The following INO80C variants were observed in gnomAD, a reference collection of about 807,000 sequenced individuals.
The protein encoded by INO80C is IES6 homolog.
Under a neutral mutation model 17.7 loss-of-function variants are expected in INO80C, and 17 were observed. The observed-to-expected ratio is 0.96, with a 90% CI of 0.66 to 1.44. The LOEUF is 1.44. Ranked by LOEUF, INO80C falls within the 40% of genes most tolerant of loss-of-function variation. The pLI, the probability that INO80C is intolerant of heterozygous loss-of-function variation, is 0.00. For synonymous variants in INO80C, 96 were observed against 95.8 expected (o/e 1.00, Z -0.01); for missense variants, 244 against 245.0 (o/e 1.00, Z 0.03).
chr18:35,486,984 C>A (rs757815452), intron 1 of INO80C, among the ~76,000 whole-genome samples: 7 of 152,052 alleles, frequency 4.6e-5, no homozygotes, highest in Non-Finnish European at 1.0e-4. Context: ...TTAAAAGTCA[C>A]TGGCAAAGTA....
intron 4 of INO80C, among the ~76,000 whole-genome samples, chr18:35,470,377 A>T (rs185963991): frequency 3.9e-5 from 6 of 152,278 alleles, no homozygotes; most frequent in Admixed American, 3.9e-4. Context: ...CCTTGGCTTG[A>T]TCTAGATGTT....
intron 1 of INO80C, among the ~76,000 whole-genome samples, chr18:35,491,432 C>A (rs1043655698): frequency 1.3e-5 from 2 of 152,122 alleles, no homozygotes; most frequent in Non-Finnish European, 2.9e-5. Flanking sequence ...TCTGCCAGAC[C>A]CCCGCTGGGA....
At chr18:35,495,325 G>A (rs1567990721) in intron 1 of INO80C, among the ~76,000 whole-genome samples, 1 of 152,180 alleles carries the variant, frequency 6.6e-6, no homozygotes, top group African/African-American at 2.4e-5. Context: ...TGAGGTGGGA[G>A]GATCCACTGA....
In INO80C at chr18:35,493,384, T is replaced by C. The variant is rs1267818006; in HGVS notation, c.156+4335A>G. 2.0e-5 allele frequency among the ~76,000 whole-genome samples: 3 copies of C among 152,228 alleles called. No homozygotes were observed. In the South Asian group the frequency reaches 6.2e-4, roughly 31 times the overall value. Reference sequence around the variant, plus strand: ...TAACATTATTAATCAACAACTGTTATAGTGAAAATATAAATCCACAGAATT... The same window carrying C: ...TAACATTATTAATCAACAACTGTTACAGTGAAAATATAAATCCACAGAATT... On this transcript the variant is annotated intron_variant, in intron 1 of 4. Coordinates refer to ENST00000334598, the MANE Select transcript of INO80C (RefSeq NM_194281.4).
At chr18:35,478,883 C>T in intron 3 of INO80C, 1 of 178,334 alleles carries the variant, frequency 5.6e-6, no homozygotes, top group Admixed American at 5.8e-5. Context: ...GGACACACTG[C>T]AGCATGAAGT....
intron 1 of INO80C, among the ~76,000 whole-genome samples, chr18:35,488,244 CTGTT>C (rs1445026828): frequency 2.0e-5 from 3 of 152,252 alleles, no homozygotes; most frequent in African/African-American, 4.8e-5. Flanking sequence ...AGTGGGGACT[CTGTT>C]TGGGGGATTC....
Position 35,497,919 on chromosome 18 carries a change from C to T in INO80C, c.-45G>A. On this transcript the variant is annotated 5_prime_UTR_variant, in exon 1 of 5. Coordinates refer to ENST00000334598, the MANE Select transcript of INO80C (RefSeq NM_194281.4). ...TGGTCCCCCCACCTTTTTCCCAGCG[C>T]GGGCCTTGGAACTTCCTTTCCGCTG... 2 of 1,486,030 alleles carry T rather than the reference C, an allele frequency of 1.3e-6. No homozygotes were observed. The highest frequency in any genetic ancestry group is 9.0e-7 in the Non-Finnish European group (1 of 1,117,144). The allele number at this position is 1,486,030 out of a possible 1,614,324, so 92.1% of individuals were successfully genotyped here.
rs571965634 is a variant in INO80C at position 35,480,443 on chromosome 18, C to T, written c.267+10G>A. 1.2e-5 allele frequency: 19 copies of T among 1,578,056 alleles called. No individual in the cohort carries two copies. Among genetic ancestry groups the T allele is most frequent in the Middle Eastern group, 1.7e-4 (1 of 5,992 alleles). ...TGGATGTTTATTCAGCTAATACCTT[C>T]GATGCTTACCACAAAGTTGGGATCC... On this transcript the variant is annotated intron_variant, in intron 2 of 4. Coordinates refer to ENST00000334598, the MANE Select transcript of INO80C (RefSeq NM_194281.4).
intron 1 of INO80C, 69 bp downstream of exon 1, chr18:35,497,650 G>T (rs2144102612): frequency 6.5e-7 from 1 of 1,546,208 alleles, no homozygotes; most frequent in East Asian, 2.4e-5. Context: ...CACGCGCCCT[G>T]GCTCGGCTCC....
chr18:35,468,862 C>A, intron 4 of INO80C, 120 bp from the exon 5 acceptor site: 5 of 871,230 alleles, frequency 5.7e-6, no homozygotes, highest in Non-Finnish European at 8.8e-6. Flanking sequence ...TTATGTCTTA[C>A]TCTGCCACCA....
chr18:35,487,041 A>T (rs1003916395), intron 1 of INO80C, among the ~76,000 whole-genome samples: 3 of 152,194 alleles, frequency 2.0e-5, no homozygotes, highest in Non-Finnish European at 2.9e-5. Flanking sequence ...TTCCCACAAG[A>T]TACTTCAATA....
At chr18:35,480,420 G>A in intron 2 of INO80C, 33 bp downstream of exon 2, 2 of 1,412,172 alleles carry the variant, frequency 1.4e-6, no homozygotes, top group Non-Finnish European at 1.0e-6. Context: ...GTGGCATTTG[G>A]ATGTTTATTC....
At chr18:35,484,451 T>C (rs2045849370) in intron 1 of INO80C, among the ~76,000 whole-genome samples, 1 of 152,120 alleles carries the variant, frequency 6.6e-6, no homozygotes, top group Admixed American at 6.6e-5. Context: ...CTAAATACAA[T>C]CAGCCCTCCA....
chr18:35,497,891 C>T lies in INO80C; in HGVS notation c.-17G>A, dbSNP rs2046002445. 1 of 1,526,330 alleles carries T rather than the reference C, an allele frequency of 6.6e-7. No individual in the cohort carries two copies. The highest frequency in any genetic ancestry group is 8.8e-7 in the Non-Finnish European group (1 of 1,134,994). The allele number at this position is 1,526,330 out of a possible 1,614,324, so 94.5% of individuals were successfully genotyped here. A position where few individuals can be genotyped will look rare whatever the true frequency, so the allele number is the denominator to read the frequency against. On this transcript the variant is annotated 5_prime_UTR_variant, in exon 1 of 5. Transcript: ENST00000334598. The stretch of plus-strand genomic sequence containing the variant: ...CGCCGCCATCGCACTCCGAGTCTTC[C>T]CCTGGTCCCCCCACCTTTTTCCCAG...
chr18:35,469,115 C>T (rs1054825340), intron 4 of INO80C, among the ~76,000 whole-genome samples: 2 of 152,174 alleles, frequency 1.3e-5, no homozygotes, highest in African/African-American at 2.4e-5. Context: ...CAGGAGCCGA[C>T]GCCCAGCATG....
chr18:35,482,813 C>T (rs1239569591), intron 1 of INO80C, among the ~76,000 whole-genome samples: 2 of 152,092 alleles, frequency 1.3e-5, no homozygotes, highest in East Asian at 1.9e-4. Context: ...CTGGTAACTT[C>T]CTGAGCTATA....
At chr18:35,489,552 G>A (rs2045913576) in intron 1 of INO80C, among the ~76,000 whole-genome samples, 1 of 152,084 alleles carries the variant, frequency 6.6e-6, no homozygotes, top group African/African-American at 2.4e-5. Flanking sequence ...CAACACATGG[G>A]AATTATGGGA....
rs562108849 is a variant in INO80C at position 35,478,731 on chromosome 18, C to T, written c.380-382G>A. On this transcript the variant is annotated intron_variant, in intron 3 of 4. Coordinates refer to ENST00000334598, the MANE Select transcript of INO80C (RefSeq NM_194281.4). ...TGACACCCTCATGTCCACACCCAGA[C>T]GAATGAATGACTAGCTCACTTGTCA... Among the ~76,000 whole-genome samples, 22 of 152,306 alleles carry T rather than the reference C, an allele frequency of 1.4e-4. No homozygotes were observed. In the South Asian group the frequency reaches 3.1e-3, roughly 22 times the overall value.
chr18:35,490,996 G>C (rs571413248), intron 1 of INO80C, among the ~76,000 whole-genome samples: 177 of 152,340 alleles, frequency 1.2e-3, no homozygotes, highest in African/African-American at 3.4e-3. Context: ...CTGGACTCAA[G>C]TGGTCTGCCC....
Sources: allele counts gnomAD v4.1 joint callset (sites outside exome capture counted in the v4.1 genomes callset), GRCh38; gene constraint gnomAD v4.1.1; transcripts MANE v1.5; gene names NCBI Gene and HGNC (gene_info 2026-07-23, HGNC 2026-07-21).